Variants in ROBO3 observed in about 807,000 individuals in gnomAD.
The protein encoded by ROBO3 is roundabout homolog 3.
In ROBO3, 97 loss-of-function variants were observed where a neutral mutation model predicts 160.5. That is an observed-to-expected ratio of 0.60 (90% CI 0.51 to 0.72). The LOEUF is 0.72. Among genes scored for constraint, ROBO3 ranks in the 30% least tolerant of loss-of-function variants. ROBO3 has a pLI of 0.00. For synonymous variants in ROBO3, 780 were observed against 746.2 expected, an observed-to-expected ratio of 1.05 and a Z score of -0.74; for missense variants, 1,858 against 1,846.5, an observed-to-expected ratio of 1.01 and a Z score of -0.11.
Position 124,879,804 on chromosome 11 carries a change from T to C in ROBO3, c.3814T>C (p.Leu1272=). The C allele has an allele frequency of 6.2e-7, 1 of 1,613,712 alleles. No homozygotes were observed. ...CTCCCCAGACTTGCCCCCACCACCCTTGCCACCGCCAGAGGAAGAGGCGAG... is the reference window on the plus strand; with the variant it reads ...CTCCCCAGACTTGCCCCCACCACCCCTGCCACCGCCAGAGGAAGAGGCGAG... ...NSPGDLPPPP[L]PPPEEEASWA... Residue 1272 remains leucine (L), a synonymous_variant, in exon 26 of 28, where the codon TTG becomes CTG. Coordinates refer to ENST00000397801, the MANE Select transcript of ROBO3 (RefSeq NM_022370.4).
At position 124,876,269 on chromosome 11, in the gene ROBO3, C is replaced by A; in HGVS notation, c.2594-6C>A. 1 of 1,477,242 alleles carries A rather than the reference C, an allele frequency of 6.8e-7. No homozygotes were observed. The allele number at this position is 1,477,242 out of a possible 1,614,324, so 91.5% of individuals were successfully genotyped here. ...CCTCCTCCCCTCACTTCTCTGACCCCCACAGCGTCCCCGCCGGACCTGGAG... is the reference window on the plus strand; with the variant it reads ...CCTCCTCCCCTCACTTCTCTGACCCACACAGCGTCCCCGCCGGACCTGGAG... On this transcript the variant is annotated splice_polypyrimidine_tract_variant and splice_region_variant and intron_variant, in intron 16 of 27. Coordinates refer to ENST00000397801, the MANE Select transcript of ROBO3 (RefSeq NM_022370.4). This position sits in a 1 kb window ranked among gnomAD's most constrained non-coding sequence, Gnocchi z 5.3.
rs750145267 is a variant in ROBO3, at chr11:124,878,351, C to G, written c.3235C>G (p.Leu1079Val). ...GGGGAAACCTGTGCAGATGCCCTCT[C>G]TGAACTGGCCAGAAGCCCTGCCCCC... ...LLGKPVQMPSLNWPEALPPPP... is the reference protein window; with the variant it reads ...LLGKPVQMPSVNWPEALPPPP... Residue 1079 changes from leucine to valine, a missense_variant, in exon 22 of 28, where the codon CTG (leucine) becomes GTG (valine). Leu to Val is a conservative substitution (Grantham distance 32, BLOSUM62 1). Coordinates refer to ENST00000397801, the MANE Select transcript of ROBO3 (RefSeq NM_022370.4). This position sits in a 1 kb window ranked among gnomAD's most constrained non-coding sequence, Gnocchi z 4.3. The G allele has an allele frequency of 6.2e-7, 1 of 1,613,812 alleles. No homozygotes were observed. The highest frequency in any genetic ancestry group is 2.2e-5 in the East Asian group (1 of 44,888).
At position 124,869,231 on chromosome 11, in the gene ROBO3, A is replaced by T; in HGVS notation, c.487+103A>T. On this transcript the variant is annotated intron_variant, in intron 2 of 27. Transcript: ENST00000397801. This position sits in a 1 kb window ranked among gnomAD's most constrained non-coding sequence, Gnocchi z 4.2. ...AACCAGCCCCAAAGGACTTCAGCCCACTCAGCATCCTTCTTTGGGACCGCG... is the reference window on the plus strand; with the variant it reads ...AACCAGCCCCAAAGGACTTCAGCCCTCTCAGCATCCTTCTTTGGGACCGCG... The T allele has an allele frequency of 3.1e-6, 4 of 1,296,090 alleles. No individual in the cohort carries two copies. The highest frequency in any genetic ancestry group is 3.2e-6 in the Non-Finnish European group (3 of 931,382). 80.3% of individuals were successfully genotyped at this position (1,296,090 alleles called of 1,614,324 possible).
Position 124,879,798 on chromosome 11 carries a change from C to T in ROBO3, c.3808C>T (p.Pro1270Ser), listed in dbSNP as rs1946519747. The part of the protein sequence containing the change: ...RENSPGDLPP[P>S]PLPPPEEEAS... The stretch of plus-strand genomic sequence containing the variant: ...AGCTCCCTCCCCAGACTTGCCCCCA[C>T]CACCCTTGCCACCGCCAGAGGAAGA... The change falls in exon 26 of 28, where the codon CCA becomes TCA. Residue 1270 changes from proline to serine, a missense_variant. Pro to Ser is a moderately conservative substitution (Grantham distance 74). Transcript: ENST00000397801. 6 of 1,613,820 alleles carry T rather than the reference C, an allele frequency of 3.7e-6. No individual in the cohort carries two copies. The highest frequency in any genetic ancestry group is 5.1e-6 in the Non-Finnish European group (6 of 1,179,822).
chr11:124,868,730 T>G, intron 1 of ROBO3, 72 bp from the exon 2 acceptor site: 1 of 1,428,330 alleles, frequency 7.0e-7, no homozygotes, highest in Non-Finnish European at 9.7e-7. Flanking sequence ...GAGGATTCTC[T>G]TTCCCTCTGG....
rs982191339 is a variant in ROBO3, at chr11:124,869,990, G to C, written c.688G>C (p.Asp230His). 5 of 1,613,536 alleles carry C rather than the reference G, an allele frequency of 3.1e-6. No homozygotes were observed. The African/African-American group carries it at 4.0e-5, about 13-fold the overall frequency. The change falls in exon 4 of 28, where the codon GAT (aspartate) becomes CAT (histidine). Residue 230 changes from aspartate to histidine, a missense_variant. Physicochemically the swap from Asp to His is moderately conservative, Grantham distance 81. Coordinates refer to ENST00000397801, the MANE Select transcript of ROBO3 (RefSeq NM_022370.4). The surrounding 1 kb of genome is among the most constrained non-coding windows in gnomAD (Gnocchi z 4.2). The stretch of plus-strand genomic sequence containing the variant: ...GATGATGTCACATACACTCAAGAGC[G>C]ATGCAGGCATGTATGTGTGCGTAGC... ...KLMMSHTLKSDAGMYVCVASN... is the reference protein window; with the variant it reads ...KLMMSHTLKSHAGMYVCVASN...
In ROBO3 at chr11:124,873,666, C is replaced by G. The variant is rs1457772811; in HGVS notation, c.1619-31C>G. 3 of 1,579,940 alleles carry G rather than the reference C, an allele frequency of 1.9e-6. No homozygotes were observed. Among genetic ancestry groups the G allele is most frequent in the Non-Finnish European group, 2.6e-6 (3 of 1,161,648 alleles). The stretch of plus-strand genomic sequence containing the variant: ...TACACTAGGATTATCCTTTCCCTAT[C>G]TTTCTACTTAAAGATTATCTCCCAC... On this transcript the variant is annotated intron_variant, in intron 10 of 27. Coordinates refer to ENST00000397801, the MANE Select transcript of ROBO3 (RefSeq NM_022370.4). The surrounding 1 kb of genome is among the most constrained non-coding windows in gnomAD (Gnocchi z 4.5).
Position 124,877,964 on chromosome 11 carries a change from AGACG to A in ROBO3, c.3016_3019del (p.Thr1006ProfsTer61). 1 of 1,609,298 alleles carries A rather than the reference AGACG, an allele frequency of 6.2e-7. No individual in the cohort carries two copies. The highest frequency in any genetic ancestry group is 8.5e-7 in the Non-Finnish European group (1 of 1,177,788). ...GCGGGAATCTCCCTGTATCTAGCTC[AGACG>A]GCCAGGGGCACGGCCGCCCCTGGCG... is the stretch of plus-strand genomic sequence containing the variant. On this transcript the variant is annotated frameshift_variant, in exon 21 of 28. Transcript: ENST00000397801. LOFTEE classifies it high-confidence loss of function.
rs1017616155 is a variant in ROBO3 at position 124,881,319 on chromosome 11, C to A, written c.*69C>A. On this transcript the variant is annotated 3_prime_UTR_variant, in exon 28 of 28. Transcript: ENST00000397801. The stretch of plus-strand genomic sequence containing the variant: ...GGGAGTAGGGATGTCTTTTCCCCCC[C>A]AGCAGTGATGAGTGGGGCTAGCTGA... 3.9e-5 allele frequency: 58 copies of A among 1,477,788 alleles called. No homozygotes were observed. Among genetic ancestry groups the A allele is most frequent in the Non-Finnish European group, 4.8e-5 (52 of 1,075,236 alleles). The allele number at this position is 1,477,788 out of a possible 1,614,324, so 91.5% of individuals were successfully genotyped here.
Position 124,875,474 on chromosome 11 carries a change from T to A in ROBO3, c.2300-90T>A, listed in dbSNP as rs193094844. ...AGGAATGGCTCTCAGTTCCCTAAGA[T>A]GTTAGAACAGGGAGGGGGAATGTTG... On this transcript the variant is annotated intron_variant, in intron 14 of 27. Transcript: ENST00000397801. The A allele has an allele frequency of 1.4e-4, 215 of 1,585,566 alleles. 2 individuals are homozygous for A. In the African/African-American group the frequency reaches 2.7e-3, roughly 20 times the overall value.
chr11:124,876,537 C>T lies in ROBO3; in HGVS notation c.2779+77C>T. 8.1e-7 allele frequency: 1 copy of T among 1,233,728 alleles called. No homozygotes were observed. Among genetic ancestry groups the T allele is most frequent in the Non-Finnish European group, 1.0e-6 (1 of 956,652 alleles). The allele number at this position is 1,233,728 out of a possible 1,614,324, so 76.4% of individuals were successfully genotyped here. On this transcript the variant is annotated intron_variant, in intron 17 of 27. Transcript: ENST00000397801. This position sits in a 1 kb window ranked among gnomAD's most constrained non-coding sequence, Gnocchi z 5.3. ...ATGGGGAGGGGCAGGGGCTTAGCCG[C>T]TGGCGAGTGAGGACCGGGTCGGGAG...
In ROBO3 at chr11:124,873,819, C is replaced by T. The variant is rs2135331040; in HGVS notation, c.1741C>T (p.Gln581Ter). 1 of 1,613,784 alleles carries T rather than the reference C, an allele frequency of 6.2e-7. No homozygotes were observed. Among genetic ancestry groups the T allele is most frequent in the Non-Finnish European group, 8.5e-7 (1 of 1,179,780 alleles). Reference protein sequence around the residue: ...SITLTWKPNPQTGAAVTSYVI... With the variant: ...SITLTWKPNP ...TACCCTGACCTGGAAGCCCAACCCA[C>T]AAACTGGGGCTGCAGTCACGTCTTA... Residue 581 changes from glutamine to a stop codon, truncating the protein, a stop_gained, in exon 11 of 28, where the codon CAA (glutamine) becomes TAA (stop). Transcript: ENST00000397801. LOFTEE classifies it high-confidence loss of function. The surrounding 1 kb of genome is among the most constrained non-coding windows in gnomAD (Gnocchi z 4.5).
Position 124,875,171 on chromosome 11 carries a change from G to A in ROBO3, c.2134G>A (p.Glu712Lys). The A allele has an allele frequency of 6.2e-7, 1 of 1,613,744 alleles. No homozygotes were observed. Among genetic ancestry groups the A allele is most frequent in the Non-Finnish European group, 8.5e-7 (1 of 1,179,838 alleles). ...GGTGTCTTGGAGGGTAGCAGGCCCT[G>A]AGGGAGGAAGCTGGACAATGTTGGA... ...FRVSWRVAGP[E>K]GGSWTMLDLQ... is the part of the protein sequence containing the mutation. The change falls in exon 14 of 28, where the codon GAG (glutamate) becomes AAG (lysine). Residue 712 changes from glutamate to lysine, a missense_variant. Glu to Lys is a moderately conservative substitution (Grantham distance 56). Transcript: ENST00000397801.
At position 124,870,006 on chromosome 11, in the gene ROBO3, T is replaced by C; in HGVS notation, c.704T>C (p.Val235Ala). The C allele has an allele frequency of 3.7e-6, 6 of 1,613,928 alleles. No individual in the cohort carries two copies. The highest frequency in any genetic ancestry group is 5.1e-6 in the Non-Finnish European group (6 of 1,179,848). Residue 235 changes from valine to alanine, a missense_variant, in exon 4 of 28, where the codon GTG becomes GCG. Val to Ala is a moderately conservative substitution (Grantham distance 64). Transcript: ENST00000397801. ...CTCAAGAGCGATGCAGGCATGTATG[T>C]GTGCGTAGCCTCCAACATGGCGGGA... ...HTLKSDAGMY[V>A]CVASNMAGER...
At chr11:124,871,544 G>A (rs776447341) in intron 7 of ROBO3, among the ~76,000 whole-genome samples, 2 of 152,166 alleles carry the variant, frequency 1.3e-5, no homozygotes, top group Admixed American at 6.5e-5. Flanking sequence ...AAAAGTACTC[G>A]CTCTTCTATT....
Position 124,873,928 on chromosome 11 carries a change from CT to C in ROBO3, c.1784+69del. 6.3e-7 allele frequency: 1 copy of C among 1,598,276 alleles called. No individual in the cohort carries two copies. Among genetic ancestry groups the C allele is most frequent in the Non-Finnish European group, 8.6e-7 (1 of 1,167,436 alleles). ...GGAGGGGATCCTATGCCCTTAGGGT[CT>C]TTGCTATTGTGAGGTGGGATTCTCC... On this transcript the variant is annotated intron_variant, in intron 11 of 27. Coordinates refer to ENST00000397801, the MANE Select transcript of ROBO3 (RefSeq NM_022370.4). The surrounding 1 kb of genome is among the most constrained non-coding windows in gnomAD (Gnocchi z 4.5).
At chr11:124,880,752 T>C (rs1401544484) in intron 27 of ROBO3, 144 bp downstream of exon 27, 122 of 1,039,574 alleles carry the variant, frequency 1.2e-4, no homozygotes, top group Non-Finnish European at 1.5e-4. Flanking sequence ...GAGGGAGGAA[T>C]CCTGTAGAAG....
At position 124,875,287 on chromosome 11, in the gene ROBO3, G is replaced by C; in HGVS notation, c.2250G>C (p.Glu750Asp). 6.2e-7 allele frequency: 1 copy of C among 1,613,776 alleles called. No homozygotes were observed. Among genetic ancestry groups the C allele is most frequent in the East Asian group, 2.2e-5 (1 of 44,872 alleles). The change falls in exon 14 of 28, where the codon GAG becomes GAC. Residue 750 changes from glutamate (E) to aspartate (D), a missense_variant. Physicochemically the swap from Glu to Asp is conservative, Grantham distance 45. Transcript: ENST00000397801. ...IQIKVQAQGQ[E>D]GLGAESLSVT... ...TCAAGGTGCAAGCCCAAGGCCAGGA[G>C]GGGCTGGGGGCTGAAAGCCTCTCTG...
Position 124,869,756 on chromosome 11 carries a change from T to TA in ROBO3, c.645+155dup, listed in dbSNP as rs1241570735. ...AGGGATAAGGAAGACGGAATTGGTA[T>TA]AAAAAAGGGGCGGGGGCATGATGCC... On this transcript the variant is annotated intron_variant, in intron 3 of 27. Coordinates refer to ENST00000397801, the MANE Select transcript of ROBO3 (RefSeq NM_022370.4). This position sits in a 1 kb window ranked among gnomAD's most constrained non-coding sequence, Gnocchi z 4.2. The TA allele has an allele frequency of 2.4e-6, 3 of 1,263,000 alleles. No homozygotes were observed. Among genetic ancestry groups the TA allele is most frequent in the Non-Finnish European group, 3.3e-6 (3 of 920,102 alleles). 78.2% of individuals were successfully genotyped at this position (1,263,000 alleles called of 1,614,324 possible).
Sources: allele counts gnomAD v4.1 joint callset (sites outside exome capture counted in the v4.1 genomes callset), GRCh38; gene constraint gnomAD v4.1.1; non-coding constraint Gnocchi (gnomAD v3.1); transcripts MANE v1.5; gene names NCBI Gene and HGNC (gene_info 2026-07-23, HGNC 2026-07-21).